Variants in ZNF544 observed in about 807,000 individuals in gnomAD.
ZNF544 encodes zinc finger protein 544.
Under a neutral mutation model 13.5 loss-of-function variants are expected in ZNF544, and 10 were observed. The observed-to-expected ratio is 0.74, with a 90% CI of 0.46 to 1.25. The LOEUF (loss-of-function observed/expected upper bound fraction) is 1.25, where lower values mean the gene tolerates loss of function less well. ZNF544 is among the 50% of genes most tolerant of loss of function. ZNF544 has a pLI of 0.00. For missense variants in ZNF544, 896 were observed against 845.6 expected, an observed-to-expected ratio of 1.06 and a Z score of -0.74; for synonymous variants, 323 against 300.5, an observed-to-expected ratio of 1.07 and a Z score of -0.77.
At position 58,254,153 on chromosome 19, in the gene ZNF544, G is replaced by A. The variant is rs891684226; in HGVS notation, c.245-6698G>A. On this transcript the variant is annotated intron_variant, in intron 6 of 6. Transcript: ENST00000687789. ...GCAGGAGAATGGCGTGAACCCGGGA[G>A]GCATAGCTTGCAGTAAGCTGATATC... 4.6e-5 allele frequency among the ~76,000 whole-genome samples: 7 copies of A among 151,992 alleles called. No homozygotes were observed. In the South Asian group the frequency reaches 6.2e-4, roughly 14 times the overall value.
downstream of ZNF544, among the ~76,000 whole-genome samples, chr19:58,268,146 A>G (rs1568512852): frequency 6.6e-6 from 1 of 151,380 alleles, no homozygotes; most frequent in Non-Finnish European, 1.5e-5. Flanking sequence ...CTAAAAATAC[A>G]AAATTAGCCG....
At position 58,262,178 on chromosome 19, in the gene ZNF544, G is replaced by A; in HGVS notation, c.1572G>A (p.Leu524=). The change falls in exon 7 of 7, where the codon CTG becomes CTA. Residue 524 remains leucine (L), a synonymous_variant. Transcript: ENST00000687789. The part of the protein sequence containing the change: ...HTGEKPYECN[L]CGKSFSQSSK... ...GAGAGAAGCCCTATGAGTGCAACCT[G>A]TGTGGGAAATCCTTCTCCCAGAGTT... is the stretch of plus-strand genomic sequence containing the variant. 5.6e-6 allele frequency: 9 copies of A among 1,613,458 alleles called. No homozygotes were observed. Among genetic ancestry groups the A allele is most frequent in the Non-Finnish European group, 7.6e-6 (9 of 1,179,840 alleles).
At chr19:58,265,282 ATATTTATTTATT>A (rs139270092), downstream of ZNF544, among the ~76,000 whole-genome samples, 24 of 147,346 alleles carry the variant, frequency 1.6e-4, no homozygotes, top group African/African-American at 4.3e-4. Flanking sequence ...CCATGTCTGC[ATATTTATTTATT>A]TATTTATTTA....
At position 58,261,537 on chromosome 19, in the gene ZNF544, CTG is replaced by C. The variant is rs1460742564; in HGVS notation, c.934_935del (p.Cys312ProfsTer17). On this transcript the variant is annotated frameshift_variant, in exon 7 of 7. Coordinates refer to ENST00000687789, the MANE Select transcript of ZNF544 (RefSeq NM_014480.4). LOFTEE classifies it low-confidence loss of function (END_TRUNC). ...DECRETCSES[L>X]CLVQTERSGP... ...GTGCAGGGAAACCTGTTCTGAGAGT[CTG>C]TGCCTTGTACAAACAGAAAGAAGTG... is the stretch of plus-strand genomic sequence containing the variant. 1 of 1,614,162 alleles carries C rather than the reference CTG, an allele frequency of 6.2e-7. No individual in the cohort carries two copies.
At chr19:58,266,212 C>CAAAAAAAAAAA (rs760851818), downstream of ZNF544, among the ~76,000 whole-genome samples, 1 of 46,206 alleles carries the variant, frequency 2.2e-5, no homozygotes, top group Non-Finnish European at 3.7e-5. Context: ...GACTCTGTCT[C>CAAAAAAAAAAA]AAAAAAAAAA....
intron 4 of ZNF544, chr19:58,245,914 C>T: frequency 3.0e-6 from 1 of 329,068 alleles, no homozygotes; most frequent in South Asian, 2.4e-5. Context: ...ATACATGGAG[C>T]TGTCCCAGTC....
At chr19:58,276,017 C>A (rs1291770972) in intron 5 of ZNF544, among the ~76,000 whole-genome samples, 1 of 151,946 alleles carries the variant, frequency 6.6e-6, no homozygotes, top group East Asian at 1.9e-4. Flanking sequence ...AAAATCCAGT[C>A]TCTACAAAAA....
At chr19:58,247,571 T>G (rs543420457) in intron 6 of ZNF544, 1 of 152,136 alleles carries the variant, frequency 6.6e-6, no homozygotes, top group East Asian at 1.9e-4. Context: ...TAATTTTGTA[T>G]TTTTATTAGA....
rs1203779018 is a variant in ZNF544, at chr19:58,262,011, T to C, written c.1405T>C (p.Cys469Arg). The change falls in exon 7 of 7, where the codon TGT (cysteine) becomes CGT (arginine). Residue 469 changes from cysteine (C) to arginine (R), a missense_variant. Transcript: ENST00000687789. ...TGEKPYECTHCGKSFSQSYEL... is the reference protein window; with the variant it reads ...TGEKPYECTHRGKSFSQSYEL... Reference sequence around the variant, plus strand: ...AGAGAAACCGTATGAGTGCACTCACTGTGGAAAGTCCTTCAGCCAAAGCTA... The same window carrying C: ...AGAGAAACCGTATGAGTGCACTCACCGTGGAAAGTCCTTCAGCCAAAGCTA... The C allele has an allele frequency of 4.3e-6, 7 of 1,613,350 alleles. No homozygotes were observed. Among genetic ancestry groups the C allele is most frequent in the Admixed American group, 1.7e-5 (1 of 59,860 alleles).
intron 6 of ZNF544, among the ~76,000 whole-genome samples, chr19:58,252,782 CAT>C (rs2046495186): frequency 6.6e-6 from 1 of 152,160 alleles, no homozygotes; most frequent in Admixed American, 6.5e-5. Context: ...CTTTTAGAAA[CAT>C]ATTTCCCCGT....
chr19:58,275,645 C>G lies in ZNF544; in HGVS notation c.245-678C>G, dbSNP rs1268970218. Among the ~76,000 whole-genome samples, 5 of 151,748 alleles carry G rather than the reference C, an allele frequency of 3.3e-5. No individual in the cohort carries two copies. In the South Asian group the frequency reaches 6.2e-4, roughly 19 times the overall value. The stretch of plus-strand genomic sequence containing the variant: ...GCAACATCACAAAACCCTGTCTCTA[C>G]AAAAAATACAAAAATTAGCCAGGCA... On this transcript the variant is annotated intron_variant, in intron 5 of 6. Transcript: ENST00000595981.
At chr19:58,273,889 G>A (rs1338634406) in intron 5 of ZNF544, among the ~76,000 whole-genome samples, 1 of 151,370 alleles carries the variant, frequency 6.6e-6, no homozygotes. Flanking sequence ...TCTGCCTCCC[G>A]GGTTCAAGTG....
At chr19:58,242,434 G>A (rs1264755866) in intron 3 of ZNF544, 2 of 218,828 alleles carry the variant, frequency 9.1e-6, no homozygotes, top group Non-Finnish European at 1.5e-5. Flanking sequence ...AAATGCCAGC[G>A]TTCAAACCTG....
intron 6 of ZNF544, chr19:58,257,598 G>A (rs1283681842): frequency 6.6e-6 from 1 of 152,214 alleles, no homozygotes; most frequent in Non-Finnish European, 1.5e-5. Flanking sequence ...GAGTTGCAAA[G>A]GGAGTAGCCT....
chr19:58,262,127 T>C lies in ZNF544; in HGVS notation c.1521T>C (p.Leu507=). Residue 507 remains leucine, a synonymous_variant, in exon 7 of 7, where the codon CTT becomes CTC. Coordinates refer to ENST00000687789, the MANE Select transcript of ZNF544 (RefSeq NM_014480.4). The part of the protein sequence containing the change: ...CGKSFSQKYD[L]VVHQRTHTGE... Reference sequence around the variant, plus strand: ...AATCTTTCAGCCAGAAGTATGACCTTGTTGTACATCAGAGGACACACACTG... The same window carrying C: ...AATCTTTCAGCCAGAAGTATGACCTCGTTGTACATCAGAGGACACACACTG... The C allele has an allele frequency of 6.2e-7, 1 of 1,612,192 alleles. No individual in the cohort carries two copies. Among genetic ancestry groups the C allele is most frequent in the African/African-American group, 1.3e-5 (1 of 74,200 alleles).
In ZNF544 at chr19:58,262,802, C is replaced by A. The variant is rs779766071; in HGVS notation, c.*48C>A. The A allele has an allele frequency of 3.0e-5, 47 of 1,547,260 alleles. No homozygotes were observed. Among genetic ancestry groups the A allele is most frequent in the Non-Finnish European group, 3.9e-5 (45 of 1,147,058 alleles). On this transcript the variant is annotated 3_prime_UTR_variant, in exon 7 of 7. Transcript: ENST00000687789. ...CTTTCATCCAGAGGTCTCCCCTCATCATGCACCAGAGGACGCATGTCGGTG... is the reference window on the plus strand; with the variant it reads ...CTTTCATCCAGAGGTCTCCCCTCATAATGCACCAGAGGACGCATGTCGGTG...
At chr19:58,239,834 G>C (rs150934317) in intron 3 of ZNF544, among the ~76,000 whole-genome samples, 5 of 151,994 alleles carry the variant, frequency 3.3e-5, no homozygotes, top group Non-Finnish European at 7.4e-5. Flanking sequence ...AGGAGACTGA[G>C]GTTGCAGTGA....
At chr19:58,268,622 C>T (rs1350265238), downstream of ZNF544, among the ~76,000 whole-genome samples, 3 of 152,204 alleles carry the variant, frequency 2.0e-5, no homozygotes, top group Non-Finnish European at 2.9e-5. Context: ...GTCCTGTCTC[C>T]GTTGGCTGGA....
In ZNF544 at chr19:58,262,002, T is replaced by C. The variant is rs368283367; in HGVS notation, c.1396T>C (p.Cys466Arg). Residue 466 changes from cysteine (C) to arginine (R), a missense_variant, in exon 7 of 7, where the codon TGC (cysteine) becomes CGC (arginine). By Grantham distance (180) the Cys-to-Arg change is radical (BLOSUM62 -3). Coordinates refer to ENST00000687789, the MANE Select transcript of ZNF544 (RefSeq NM_014480.4). ...RIHTGEKPYE[C>R]THCGKSFSQS... ...TCATACTGGAGAGAAACCGTATGAG[T>C]GCACTCACTGTGGAAAGTCCTTCAG... The C allele has an allele frequency of 8.7e-6, 14 of 1,613,348 alleles. No homozygotes were observed. In the African/African-American group the frequency reaches 1.3e-4, roughly 15 times the overall value.
Sources: allele counts gnomAD v4.1 joint callset (sites outside exome capture counted in the v4.1 genomes callset), GRCh38; gene constraint gnomAD v4.1.1; transcripts MANE v1.5; gene names NCBI Gene and HGNC (gene_info 2026-07-23, HGNC 2026-07-21).